LAMA1: variants seen among roughly 807,000 people sequenced by gnomAD.
LAMA1 encodes the protein laminin subunit alpha-1.
A neutral mutation model predicts 348.7 loss-of-function variants in LAMA1; 219 were observed. That is an observed-to-expected ratio of 0.63 (90% CI 0.56 to 0.70). The LOEUF is 0.70. LAMA1 is among the 30% of genes least tolerant of loss of function. The probability of loss-of-function intolerance (pLI) is 0.00; values close to 1 mark genes in which losing one functional copy is unlikely to be tolerated. For synonymous variants in LAMA1, 1,487 were observed against 1,491.0 expected (o/e 1.00, Z 0.06); for missense variants, 3,744 against 3,888.0 (o/e 0.96, Z 0.99).
At chr18:7,002,446 TC>T in intron 29 of LAMA1, 61 bp from the exon 30 acceptor site, 1 of 1,571,512 alleles carries the variant, frequency 6.4e-7, no homozygotes, top group Non-Finnish European at 8.7e-7. Context: ...ATCATTCTTA[TC>T]TGGTAATAGC....
At chr18:7,117,413 A>ACG (rs1232844306) in intron 1 of LAMA1, among the ~76,000 whole-genome samples, 1 of 75,046 alleles carries the variant, frequency 1.3e-5, no homozygotes, top group African/African-American at 4.8e-5. Context: ...GCTGGGCTTT[A>ACG]ACCCCAAAGC....
intron 6 of LAMA1, among the ~76,000 whole-genome samples, chr18:7,045,432 T>C (rs975727202): frequency 6.6e-6 from 1 of 150,744 alleles, no homozygotes; most frequent in African/African-American, 2.4e-5. Flanking sequence ...ATTGCACCAC[T>C]GCACTCCAGC....
At chr18:7,050,984 AGG>A (rs1476156932) in intron 3 of LAMA1, 48 bp from the exon 4 acceptor site, 17 of 1,608,566 alleles carry the variant, frequency 1.1e-5, no homozygotes, top group Non-Finnish European at 1.4e-5. Context: ...AATACAAGCC[AGG>A]CACAGAATGA....
chr18:6,973,625 AC>A (rs1410187211), intron 46 of LAMA1, among the ~76,000 whole-genome samples: 2 of 151,972 alleles, frequency 1.3e-5, no homozygotes, highest in African/African-American at 4.8e-5. Flanking sequence ...AAGAAAATGC[AC>A]CCCCCACTTG....
chr18:7,087,878 A>T (rs550756366), intron 1 of LAMA1, among the ~76,000 whole-genome samples: 1 of 152,318 alleles, frequency 6.6e-6, no homozygotes, highest in African/African-American at 2.4e-5. Flanking sequence ...CAATGAGATC[A>T]TGTAGGTAAA....
intron 36 of LAMA1, among the ~76,000 whole-genome samples, chr18:6,990,924 T>C (rs1387855046): frequency 6.6e-6 from 1 of 152,092 alleles, no homozygotes; most frequent in Non-Finnish European, 1.5e-5. Flanking sequence ...TGGGCCTCAG[T>C]TTCCTCAACT....
chr18:7,004,038 G>T (rs955023578), intron 29 of LAMA1, among the ~76,000 whole-genome samples: 1 of 152,168 alleles, frequency 6.6e-6, no homozygotes, highest in African/African-American at 2.4e-5. Flanking sequence ...GAGAATTGAA[G>T]ATTTTCAGGT....
chr18:6,990,480 G>T (rs762669269), intron 36 of LAMA1, among the ~76,000 whole-genome samples: 15 of 152,140 alleles, frequency 9.9e-5, no homozygotes, highest in Non-Finnish European at 2.2e-4. Context: ...GCCCCACCCA[G>T]GGGCATCGCC....
At chr18:6,977,967 T>C (rs672721) in intron 43 of LAMA1, 86 bp from the exon 44 acceptor site, 295,436 of 1,440,348 alleles carry the variant, frequency 0.21, 36,551 homozygotes, top group African/African-American at 0.57. Flanking sequence ...ACAATGCACT[T>C]GGTAAAACAA....
At chr18:6,959,235 T>C (rs552940314) in intron 54 of LAMA1, 106 bp downstream of exon 54, 133 of 1,434,112 alleles carry the variant, frequency 9.3e-5, no homozygotes, top group Non-Finnish European at 1.2e-4. Context: ...TGGATGCCGA[T>C]GACCCCAGTC....
At chr18:6,944,955 G>A (rs114764780) in intron 61 of LAMA1, among the ~76,000 whole-genome samples, 2,458 of 152,182 alleles carry the variant, frequency 0.016, 60 homozygotes, top group African/African-American at 0.056. Flanking sequence ...AAAGAACTAT[G>A]CATAATAATC....
At chr18:6,972,903 C>G (rs774984460) in intron 47 of LAMA1, among the ~76,000 whole-genome samples, 154 bp downstream of exon 47, 5 of 152,210 alleles carry the variant, frequency 3.3e-5, no homozygotes, top group Non-Finnish European at 5.9e-5. Flanking sequence ...GTTGGTCAGG[C>G]TGGTCTTGAA....
At chr18:7,003,343 C>T (rs971715578) in intron 29 of LAMA1, among the ~76,000 whole-genome samples, 24 of 151,850 alleles carry the variant, frequency 1.6e-4, no homozygotes, top group Admixed American at 1.4e-3. Context: ...CTCCACCTCC[C>T]GGGTTCACGC....
chr18:6,985,323 G>A lies in LAMA1; in HGVS notation c.5574C>T (p.His1858=), dbSNP rs760776753. The A allele has an allele frequency of 6.8e-6, 11 of 1,614,108 alleles. No individual in the cohort carries two copies. The highest frequency in any genetic ancestry group is 9.3e-6 in the Non-Finnish European group (11 of 1,180,056). Residue 1858 remains histidine (H), a synonymous_variant, in exon 39 of 63, where the codon CAC becomes CAT. Coordinates refer to ENST00000389658, the MANE Select transcript of LAMA1 (RefSeq NM_005559.4). Reference sequence around the variant, plus strand: ...GGTCGACTGCGTTCCTTTGGGACATGTGCATGACCAGGTCATCTATGTGGT... The same window carrying A: ...GGTCGACTGCGTTCCTTTGGGACATATGCATGACCAGGTCATCTATGTGGT... ...IRHHIDDLVM[H]MSQRNAVDLV... is the part of the protein sequence containing the mutation.
In LAMA1 at chr18:6,978,508, G is replaced by A. The variant is rs1600366741; in HGVS notation, c.6008-130C>T. ...ATTACTGATGCTGAACACAAACTGA[G>A]GCTTGTCTGTTTGCTTTTTTTTCTT... On this transcript the variant is annotated intron_variant, in intron 42 of 62. Transcript: ENST00000389658. 7.8e-6 allele frequency: 7 copies of A among 901,154 alleles called. No individual in the cohort carries two copies. The East Asian group carries it at 1.8e-4, about 24-fold the overall frequency. The allele number at this position is 901,154 out of a possible 1,614,324, so 55.8% of individuals were successfully genotyped here. A position where few individuals can be genotyped will look rare whatever the true frequency, so the allele number is the denominator to read the frequency against.
chr18:6,942,626 CT>C (rs1300826605), intron 62 of LAMA1, among the ~76,000 whole-genome samples: 3 of 151,300 alleles, frequency 2.0e-5, no homozygotes, highest in African/African-American at 7.4e-5. Flanking sequence ...GTTGGCCAGG[CT>C]GGTCTCAAAC....
At chr18:6,949,808 A>C (rs1367782344) in intron 58 of LAMA1, among the ~76,000 whole-genome samples, 1 of 152,232 alleles carries the variant, frequency 6.6e-6, no homozygotes, top group Admixed American at 6.5e-5. Context: ...TTGTAAAATT[A>C]AGGAAATGCC....
chr18:7,079,439 ATGCTGAAGGCAC>A (rs2058183949), intron 3 of LAMA1: 1 of 171,852 alleles, frequency 5.8e-6, no homozygotes, highest in Admixed American at 5.5e-5. Context: ...CTCCCCACTC[ATGCTGAAGGCAC>A]TGCTTAAGTT....
At chr18:7,030,504 C>A (rs1250952272) in intron 16 of LAMA1, among the ~76,000 whole-genome samples, 2 of 152,076 alleles carry the variant, frequency 1.3e-5, no homozygotes, top group Admixed American at 1.3e-4. Flanking sequence ...TTCATCTTAT[C>A]GTGCTACTTC....
Sources: allele counts gnomAD v4.1 joint callset (sites outside exome capture counted in the v4.1 genomes callset), GRCh38; gene constraint gnomAD v4.1.1; transcripts MANE v1.5; gene names NCBI Gene and HGNC (gene_info 2026-07-23, HGNC 2026-07-21).